MTOR: variants seen among roughly 807,000 people sequenced by gnomAD.
MTOR encodes mechanistic target of rapamycin kinase.
A neutral mutation model predicts 319.8 loss-of-function variants in MTOR; 70 were observed. The observed-to-expected ratio is 0.22, with a 90% CI of 0.18 to 0.27. The LOEUF (loss-of-function observed/expected upper bound fraction) is 0.27. Among genes scored for constraint, MTOR ranks in the 10% least tolerant of loss-of-function variants. MTOR has a pLI of 1.00. For synonymous variants in MTOR, 1,183 were observed against 1,211.4 expected, an observed-to-expected ratio of 0.98 and a Z score of 0.49; for missense variants, 1,890 against 3,274.4, an observed-to-expected ratio of 0.58 and a Z score of 10.32.
chr1:11,162,769 G>A (rs1410367768), intron 29 of MTOR, among the ~76,000 whole-genome samples: 2 of 152,112 alleles, frequency 1.3e-5, no homozygotes, highest in Non-Finnish European at 2.9e-5. Context: ...TGCCTTACAA[G>A]AGCTCCTGAA....
chr1:11,235,820 A>G (rs1350034872), intron 13 of MTOR, among the ~76,000 whole-genome samples: 1 of 152,032 alleles, frequency 6.6e-6, no homozygotes, highest in African/African-American at 2.4e-5. Flanking sequence ...CATCTCTACT[A>G]AAAATACAAA....
chr1:11,176,967 GA>G (rs1267490312), intron 28 of MTOR, among the ~76,000 whole-genome samples: 69 of 152,256 alleles, frequency 4.5e-4, no homozygotes, highest in African/African-American at 1.6e-3. Flanking sequence ...AGGGCAGACA[GA>G]AGCAAAATGA....
intron 46 of MTOR, among the ~76,000 whole-genome samples, 182 bp downstream of exon 46, chr1:11,126,440 T>C (rs116468106): frequency 6.6e-6 from 1 of 152,320 alleles, no homozygotes; most frequent in African/African-American, 2.4e-5. Context: ...ATGAATGAAC[T>C]AAGTCCTGAG....
chr1:11,218,390 A>G (rs1646547981), intron 19 of MTOR, among the ~76,000 whole-genome samples: 1 of 151,978 alleles, frequency 6.6e-6, no homozygotes, highest in Admixed American at 6.6e-5. Flanking sequence ...AGGTCACACC[A>G]TTGTACTCCA....
intron 8 of MTOR, 74 bp downstream of exon 8, chr1:11,247,551 T>G (rs1569796253): frequency 1.4e-5 from 18 of 1,331,580 alleles, no homozygotes; most frequent in Non-Finnish European, 1.7e-5. Flanking sequence ...GGAAAAGATA[T>G]TTGGCTTTTC....
rs570102537 is a variant in MTOR at position 11,137,570 on chromosome 1, C to T, written c.5130+1734G>A. Among the ~76,000 whole-genome samples the T allele has an allele frequency of 3.6e-4, 55 of 152,302 alleles. No individual in the cohort carries two copies. The South Asian group carries it at 9.3e-3, about 26-fold the overall frequency. ...GAAATGAAAAAAGGGAAAAGTGATT[C>T]TTTCCCTCTTATAAATGAAGGACCT... On this transcript the variant is annotated intron_variant, in intron 36 of 57. Coordinates refer to ENST00000361445, the MANE Select transcript of MTOR (RefSeq NM_004958.4).
At chr1:11,139,936 C>T (rs1450192668) in intron 34 of MTOR, among the ~76,000 whole-genome samples, 3 of 152,104 alleles carry the variant, frequency 2.0e-5, no homozygotes, top group Non-Finnish European at 4.4e-5. Context: ...GTGATCCAAC[C>T]GTCTTGGCCT....
intron 19 of MTOR, among the ~76,000 whole-genome samples, chr1:11,216,740 G>A (rs79546654): frequency 0.031 from 4,763 of 151,892 alleles, 194 homozygotes; most frequent in African/African-American, 0.073. Context: ...CACACAAGGC[G>A]AGCCAGTTAC....
intron 30 of MTOR, among the ~76,000 whole-genome samples, chr1:11,156,504 C>T (rs1004149615): frequency 6.6e-6 from 1 of 152,114 alleles, no homozygotes; most frequent in Admixed American, 6.5e-5. Flanking sequence ...CTGTTTCCCC[C>T]CTACCTTCTC....
intron 28 of MTOR, among the ~76,000 whole-genome samples, chr1:11,177,225 G>T (rs1396997931): frequency 6.6e-6 from 1 of 152,102 alleles, no homozygotes; most frequent in East Asian, 1.9e-4. Flanking sequence ...ATAAAAAAAA[G>T]TTTGGTGCAA....
chr1:11,131,025 G>A, intron 38 of MTOR: 1 of 575,726 alleles, frequency 1.7e-6, no homozygotes, highest in Non-Finnish European at 3.1e-6. Flanking sequence ...AGAGGAGCAG[G>A]AGAGAGCTCT....
chr1:11,177,352 A>ATG (rs1645023355), intron 28 of MTOR, among the ~76,000 whole-genome samples: 2 of 152,216 alleles, frequency 1.3e-5, no homozygotes, highest in South Asian at 4.2e-4. Context: ...GAGGACAGGA[A>ATG]TTCAAGACCA....
At chr1:11,182,209 C>T (rs1645182900) in intron 28 of MTOR, among the ~76,000 whole-genome samples, 1 of 147,078 alleles carries the variant, frequency 6.8e-6, no homozygotes, top group Non-Finnish European at 1.5e-5. Flanking sequence ...AAGAGCGAAA[C>T]TCCATCTTAA....
intron 28 of MTOR, among the ~76,000 whole-genome samples, chr1:11,172,833 G>A (rs1644864523): frequency 7.1e-6 from 1 of 140,188 alleles, no homozygotes; most frequent in African/African-American, 2.7e-5. Flanking sequence ...CTGCACTCCA[G>A]CCTGAGCGAA....
At position 11,121,183 on chromosome 1, in the gene MTOR, G is replaced by A. The variant is rs1206684845; in HGVS notation, c.6933+63C>T. 9 of 1,600,228 alleles carry A rather than the reference G, an allele frequency of 5.6e-6. No homozygotes were observed. The highest frequency in any genetic ancestry group is 5.1e-5 in the Admixed American group (3 of 59,388). On this transcript the variant is annotated intron_variant, in intron 49 of 57. Coordinates refer to ENST00000361445, the MANE Select transcript of MTOR (RefSeq NM_004958.4). The surrounding 1 kb of genome is among the most constrained non-coding windows in gnomAD (Gnocchi z 4.9). ...GCTGTGTGCACATGAACAGATGGGA[G>A]GGCCATCCTATTGCGAGTGGGGGTT...
Position 11,129,253 on chromosome 1 carries a change from C to T in MTOR, c.5715-302G>A, listed in dbSNP as rs1211808840. Among the ~76,000 whole-genome samples, 3 of 152,312 alleles carry T rather than the reference C, an allele frequency of 2.0e-5. No individual in the cohort carries two copies. Among genetic ancestry groups the T allele is most frequent in the Admixed American group, 2.0e-4 (3 of 15,298 alleles). The stretch of plus-strand genomic sequence containing the variant: ...ACCTTTAGAAAGCCACAAGTCTGCA[C>T]ATGTAAGAGTCGCTGTACGGCAGAG... On this transcript the variant is annotated intron_variant, in intron 40 of 57. Transcript: ENST00000361445. This position sits in a 1 kb window ranked among gnomAD's most constrained non-coding sequence, Gnocchi z 4.7.
chr1:11,260,819 T>G (rs1276293849), intron 1 of MTOR, among the ~76,000 whole-genome samples: 5 of 148,410 alleles, frequency 3.4e-5, no homozygotes, highest in African/African-American at 1.2e-4. Flanking sequence ...AGACAGAGTC[T>G]CGCTCTGTCA....
chr1:11,182,823 AGTATTTCAC>A (rs1296147001), intron 28 of MTOR, among the ~76,000 whole-genome samples: 1 of 152,232 alleles, frequency 6.6e-6, no homozygotes, highest in Non-Finnish European at 1.5e-5. Flanking sequence ...ATTGCTGAAC[AGTATTTCAC>A]GGTGTGAATA....
Position 11,129,670 on chromosome 1 carries a change from T to C in MTOR, c.5714+68A>G, listed in dbSNP as rs878980483. 132 of 1,412,882 alleles carry C rather than the reference T, an allele frequency of 9.3e-5. 2 individuals are homozygous for C. In the South Asian group the frequency reaches 1.5e-3, roughly 16 times the overall value. The allele number at this position is 1,412,882 out of a possible 1,614,324, so 87.5% of individuals were successfully genotyped here. ...GGGTCAGGAAGGGAAAGAGGACTTT[T>C]ACGTGTGACTTCTAGGTCTTGCCAT... On this transcript the variant is annotated intron_variant, in intron 40 of 57. Transcript: ENST00000361445. This position sits in a 1 kb window ranked among gnomAD's most constrained non-coding sequence, Gnocchi z 4.7.
Sources: allele counts gnomAD v4.1 joint callset (sites outside exome capture counted in the v4.1 genomes callset), GRCh38; gene constraint gnomAD v4.1.1; non-coding constraint Gnocchi (gnomAD v3.1); transcripts MANE v1.5; gene names NCBI Gene and HGNC (gene_info 2026-07-23, HGNC 2026-07-21).